The following PTK7 variants were observed in gnomAD, a reference collection of about 807,000 sequenced individuals.
The protein encoded by PTK7 is protein tyrosine kinase 7 (inactive).
In PTK7, 39 loss-of-function variants were observed where a neutral mutation model predicts 116.6. The observed-to-expected ratio is 0.33, with a 90% CI of 0.26 to 0.44. The LOEUF (loss-of-function observed/expected upper bound fraction) is 0.44, where lower values mean the gene tolerates loss of function less well. PTK7 is among the 20% of genes least tolerant of loss of function. The pLI is 1.00. For synonymous variants in PTK7, 546 were observed against 563.6 expected (o/e 0.97, Z 0.44); for missense variants, 1,169 against 1,425.6 (o/e 0.82, Z 2.90).
intron 17 of PTK7, among the ~76,000 whole-genome samples, chr6:43,148,683 T>A (rs1283916486): frequency 6.6e-6 from 1 of 152,022 alleles, no homozygotes; most frequent in Non-Finnish European, 1.5e-5. Context: ...TGCCATAGTG[T>A]CTTAAATATG....
At chr6:43,118,778 AT>A (rs532364078) in intron 1 of PTK7, among the ~76,000 whole-genome samples, 93 of 119,452 alleles carry the variant, frequency 7.8e-4, no homozygotes, top group Non-Finnish European at 7.4e-4. Flanking sequence ...TGTGTGTATA[AT>A]TTTTTTTTTT....
rs1025894108 is a variant in PTK7, at chr6:43,076,488, G to T, written c.-1G>T. Reference sequence around the variant, plus strand: ...CAGCTCCTTTTCCTGAGCCCGCCGCGATGGGAGCTGCGCGGGGATCCCCGG... The same window carrying T: ...CAGCTCCTTTTCCTGAGCCCGCCGCTATGGGAGCTGCGCGGGGATCCCCGG... On this transcript the variant is annotated 5_prime_UTR_variant, in exon 1 of 20. Transcript: ENST00000230419. This position sits in a 1 kb window ranked among gnomAD's most constrained non-coding sequence, Gnocchi z 5.7. 23 of 1,566,028 alleles carry T rather than the reference G, an allele frequency of 1.5e-5. No individual in the cohort carries two copies. The highest frequency in any genetic ancestry group is 1.7e-5 in the Non-Finnish European group (20 of 1,161,990).
In PTK7 at chr6:43,141,181, G is replaced by T. The variant is rs927642069; in HGVS notation, c.1619-487G>T. On this transcript the variant is annotated intron_variant, in intron 10 of 19. Coordinates refer to ENST00000230419, the MANE Select transcript of PTK7 (RefSeq NM_002821.5). The surrounding 1 kb of genome is among the most constrained non-coding windows in gnomAD (Gnocchi z 4.9). Reference sequence around the variant, plus strand: ...TATGAACATTTTTATAGCCCTTGATGTGAGTTGCCAAATTATTTTTTAAAA... The same window carrying T: ...TATGAACATTTTTATAGCCCTTGATTTGAGTTGCCAAATTATTTTTTAAAA... Among the ~76,000 whole-genome samples, 1 of 152,122 alleles carries T rather than the reference G, an allele frequency of 6.6e-6. No individual in the cohort carries two copies. Among genetic ancestry groups the T allele is most frequent in the African/African-American group, 2.4e-5 (1 of 41,426 alleles).
rs1770608655 is a variant in PTK7, at chr6:43,144,478, C to T, written c.2279C>T (p.Ser760Leu). The change falls in exon 15 of 20, where the codon TCA (serine) becomes TTA (leucine). Residue 760 changes from serine (S) to leucine (L), a missense_variant. This residue lies in a region of PTK7 where 678 missense variants were observed against 853.8 expected (regional missense o/e 0.79). Transcript: ENST00000230419. ...NGGPLQNGQP[S>L]AEIQEEVALT... is the part of the protein sequence containing the mutation. Reference sequence around the variant, plus strand: ...GGGCCTTTGCAGAACGGGCAGCCCTCAGCAGAGATCCAAGAAGAAGTGGCC... The same window carrying T: ...GGGCCTTTGCAGAACGGGCAGCCCTTAGCAGAGATCCAAGAAGAAGTGGCC... The T allele has an allele frequency of 1.2e-6, 2 of 1,614,054 alleles. No homozygotes were observed. Among genetic ancestry groups the T allele is most frequent in the Non-Finnish European group, 1.7e-6 (2 of 1,180,022 alleles).
chr6:43,119,940 C>T (rs550233887), intron 1 of PTK7, among the ~76,000 whole-genome samples: 6 of 152,204 alleles, frequency 3.9e-5, no homozygotes, highest in East Asian at 1.9e-4. Context: ...CTGCTTAGTC[C>T]GAGAGCTTTT....
intron 19 of PTK7, 93 bp from the exon 20 acceptor site, chr6:43,160,628 G>T: frequency 4.0e-6 from 6 of 1,503,760 alleles, no homozygotes; most frequent in Non-Finnish European, 5.4e-6. Context: ...AGGCATCCTT[G>T]GGTGGCTGCT....
At chr6:43,083,601 C>A (rs1561930882) in intron 1 of PTK7, among the ~76,000 whole-genome samples, 1 of 152,306 alleles carries the variant, frequency 6.6e-6, no homozygotes, top group Middle Eastern at 3.4e-3. Flanking sequence ...GTTACACAGA[C>A]AGCAGTGGGG....
chr6:43,100,885 T>TG (rs1215160081), intron 1 of PTK7, among the ~76,000 whole-genome samples: 8 of 151,840 alleles, frequency 5.3e-5, no homozygotes, highest in East Asian at 1.9e-4. Flanking sequence ...TAAGCAGATG[T>TG]GAAAAAAAAA....
intron 17 of PTK7, among the ~76,000 whole-genome samples, chr6:43,155,274 C>A (rs1367074356): frequency 6.6e-6 from 1 of 152,132 alleles, no homozygotes; most frequent in Non-Finnish European, 1.5e-5. Flanking sequence ...TCTCCTACCC[C>A]ACCCTCTTGA....
rs1457784627 is a variant in PTK7 at position 43,141,512 on chromosome 6, G to A, written c.1619-156G>A. Among the ~76,000 whole-genome samples the A allele has an allele frequency of 2.6e-5, 4 of 152,142 alleles. No individual in the cohort carries two copies. Among genetic ancestry groups the A allele is most frequent in the African/African-American group, 9.7e-5 (4 of 41,422 alleles). ...AGAATTGGAAGAGGGGTAAATAACG[G>A]AGGGGCTTCTAACACTTGGCTCAGG... On this transcript the variant is annotated intron_variant, in intron 10 of 19. Transcript: ENST00000230419. The surrounding 1 kb of genome is among the most constrained non-coding windows in gnomAD (Gnocchi z 4.9).
intron 1 of PTK7, among the ~76,000 whole-genome samples, chr6:43,114,966 T>C (rs1181398038): frequency 6.6e-6 from 1 of 151,284 alleles, no homozygotes; most frequent in African/African-American, 2.4e-5. Flanking sequence ...CACTTGAACC[T>C]GGGAGGCGGA....
At chr6:43,113,197 C>T (rs746120097) in intron 1 of PTK7, among the ~76,000 whole-genome samples, 5 of 152,000 alleles carry the variant, frequency 3.3e-5, no homozygotes, top group African/African-American at 4.8e-5. Flanking sequence ...TTGGGGAGGT[C>T]GAGGCGAGTG....
intron 5 of PTK7, chr6:43,131,785 A>C (rs1769696324): frequency 1.7e-6 from 1 of 586,422 alleles, no homozygotes; most frequent in Middle Eastern, 4.6e-4. Context: ...CATTTGCCTC[A>C]TTGCTTCCCG....
At chr6:43,123,064 T>G (rs541877072) in intron 1 of PTK7, among the ~76,000 whole-genome samples, 1 of 152,296 alleles carries the variant, frequency 6.6e-6, no homozygotes, top group Non-Finnish European at 1.5e-5. Flanking sequence ...CTGGAGGACT[T>G]CTGGGCCGGT....
Position 43,129,711 on chromosome 6 carries a change from G to A in PTK7, c.368-16G>A, listed in dbSNP as rs750842394. ...CCCTGCTCTGCCCCTCACTGCAACC[G>A]TGGCCTCTGCTACAGGGATTGAGGC... On this transcript the variant is annotated splice_polypyrimidine_tract_variant and intron_variant, in intron 2 of 19. Transcript: ENST00000230419. This position sits in a 1 kb window ranked among gnomAD's most constrained non-coding sequence, Gnocchi z 4.5. 16 of 1,610,682 alleles carry A rather than the reference G, an allele frequency of 9.9e-6. No homozygotes were observed. The highest frequency in any genetic ancestry group is 5.0e-5 in the Admixed American group (3 of 59,980).
At chr6:43,153,256 G>A (rs1253343370) in intron 17 of PTK7, among the ~76,000 whole-genome samples, 10 of 149,928 alleles carry the variant, frequency 6.7e-5, no homozygotes, top group African/African-American at 2.2e-4. Flanking sequence ...GACTACAGGC[G>A]CCCGCCACCA....
chr6:43,127,377 G>A (rs1398220802), intron 1 of PTK7, among the ~76,000 whole-genome samples: 3 of 152,222 alleles, frequency 2.0e-5, no homozygotes, highest in Admixed American at 6.5e-5. Flanking sequence ...TCCTGCCGCC[G>A]CCGTAACCAT....
At chr6:43,147,953 G>A (rs1770821316) in intron 17 of PTK7, among the ~76,000 whole-genome samples, 1 of 152,098 alleles carries the variant, frequency 6.6e-6, no homozygotes, top group South Asian at 2.1e-4. Context: ...GCCAGGTGTG[G>A]CCCCAGGGGC....
Position 43,138,908 on chromosome 6 carries a change from T to C in PTK7, c.1288T>C (p.Tyr430His). The change falls in exon 8 of 20, where the codon TAC becomes CAC. Residue 430 changes from tyrosine to histidine, a missense_variant. Physicochemically the swap from Tyr to His is moderately conservative, Grantham distance 83 (BLOSUM62 2). This residue lies in a region of PTK7 where 678 missense variants were observed against 853.8 expected (regional missense o/e 0.79). Transcript: ENST00000230419. The part of the protein sequence containing the change: ...DSQLEEGKPG[Y>H]LDCLTQATPK... ...CCAGCTGGAGGAGGGCAAACCCGGC[T>C]ACTTGGATTGCCTGACCCAGGCCAC... 1 of 1,614,180 alleles carries C rather than the reference T, an allele frequency of 6.2e-7. No homozygotes were observed. Among genetic ancestry groups the C allele is most frequent in the Non-Finnish European group, 8.5e-7 (1 of 1,180,032 alleles).
Sources: gnomAD v4.1 joint callset for allele counts (sites outside exome capture counted in the v4.1 genomes callset) on GRCh38, gnomAD v4.1.1 for gene constraint, gnomAD v4.1.1 regional missense constraint, Gnocchi (gnomAD v3.1) non-coding constraint, MANE v1.5 for transcripts, NCBI Gene and HGNC (gene_info 2026-07-23, HGNC 2026-07-21) for gene names.